Variants in DGKG observed in about 807,000 individuals in gnomAD.
DGKG encodes diacylglycerol kinase gamma, also known as DAG kinase gamma.
In DGKG, 78 loss-of-function variants were observed where a neutral mutation model predicts 105.3. That is an observed-to-expected ratio of 0.74 (90% CI 0.62 to 0.89). DGKG has a LOEUF of 0.89. Among genes scored for constraint, DGKG ranks in the 40% least tolerant of loss-of-function variants. DGKG has a pLI of 0.00. For missense variants in DGKG, 958 were observed against 1,020.1 expected (o/e 0.94, Z 0.83); for synonymous variants, 346 against 367.1 (o/e 0.94, Z 0.66).
At chr3:186,257,553 C>T (rs969910663) in intron 17 of DGKG, among the ~76,000 whole-genome samples, 4 of 152,166 alleles carry the variant, frequency 2.6e-5, no homozygotes, top group African/African-American at 9.7e-5. Flanking sequence ...CTCCTGTCCT[C>T]CCACCCCCCA....
chr3:186,338,141 G>C lies in DGKG; in HGVS notation c.-248-17434C>G, dbSNP rs369569293. ...GCCAAGAACGAGCCACTGCACTCTA[G>C]CCCAGGCAACAGAGTGAGACCCTAT... On this transcript the variant is annotated intron_variant, in intron 1 of 24. Coordinates refer to ENST00000265022, the MANE Select transcript of DGKG (RefSeq NM_001346.3). Among the ~76,000 whole-genome samples the C allele has an allele frequency of 2.9e-4, 41 of 142,244 alleles. 1 individual carries two copies. Among genetic ancestry groups the C allele is most frequent in the Admixed American group, 2.8e-3 (37 of 13,326 alleles). The allele number at this position is 142,244 out of a possible 152,430, so 93.3% of individuals were successfully genotyped here. A position where few individuals can be genotyped will look rare whatever the true frequency, so the allele number is the denominator to read the frequency against.
At chr3:186,346,982 TA>T (rs1319994138) in intron 1 of DGKG, among the ~76,000 whole-genome samples, 1 of 152,184 alleles carries the variant, frequency 6.6e-6, no homozygotes, top group Non-Finnish European at 1.5e-5. Flanking sequence ...ATTTTTGTAT[TA>T]AATTTTACTT....
chr3:186,268,770 A>T (rs767837515), intron 12 of DGKG, 31 bp downstream of exon 12: 3 of 1,518,006 alleles, frequency 2.0e-6, no homozygotes, highest in Non-Finnish European at 2.7e-6. Context: ...AACGTTGAAA[A>T]GAAGCAGGGC....
At chr3:186,182,033 C>T (rs371908929) in intron 22 of DGKG, among the ~76,000 whole-genome samples, 7 of 152,240 alleles carry the variant, frequency 4.6e-5, no homozygotes, top group East Asian at 3.8e-4. Context: ...CCAGGGGGAC[C>T]GACCCAGCCT....
intron 1 of DGKG, among the ~76,000 whole-genome samples, chr3:186,354,705 A>G (rs747561048): frequency 2.0e-5 from 3 of 152,206 alleles, no homozygotes; most frequent in Non-Finnish European, 4.4e-5. Context: ...TGAAGCATCA[A>G]TGACTTAAGA....
intron 19 of DGKG, among the ~76,000 whole-genome samples, chr3:186,249,315 G>T (rs1179394744): frequency 6.6e-6 from 1 of 152,132 alleles, no homozygotes; most frequent in Non-Finnish European, 1.5e-5. Context: ...GCCCAGCAAT[G>T]CTTCCCTCTT....
At chr3:186,300,527 T>A (rs184919024) in intron 3 of DGKG, among the ~76,000 whole-genome samples, 2 of 152,344 alleles carry the variant, frequency 1.3e-5, no homozygotes, top group East Asian at 3.9e-4. Context: ...GTTCTCTTCA[T>A]TCTCTACTTT....
chr3:186,149,429 T>G lies in DGKG; in HGVS notation c.*661A>C. 1 of 985,378 alleles carries G rather than the reference T, an allele frequency of 1.0e-6. No individual in the cohort carries two copies. The highest frequency in any genetic ancestry group is 4.7e-5 in the South Asian group (1 of 21,288). 61.0% of individuals were successfully genotyped at this position (985,378 alleles called of 1,614,324 possible). Reference sequence around the variant, plus strand: ...AAACATGTAGACACCAGGAGAAGGTTCCTGGAAAATAACAAGTGCCCACCG... The same window carrying G: ...AAACATGTAGACACCAGGAGAAGGTGCCTGGAAAATAACAAGTGCCCACCG... On this transcript the variant is annotated 3_prime_UTR_variant, in exon 25 of 25. Transcript: ENST00000265022.
At chr3:186,287,451 G>A (rs1314349979) in intron 6 of DGKG, among the ~76,000 whole-genome samples, 1 of 152,166 alleles carries the variant, frequency 6.6e-6, no homozygotes, top group Non-Finnish European at 1.5e-5. Flanking sequence ...GGCCACAGAT[G>A]TTCACTGTAC....
rs13084890 is a variant in DGKG at position 186,292,044 on chromosome 3, T to A, written c.374-3164A>T. 7.6e-3 allele frequency among the ~76,000 whole-genome samples: 1,153 copies of A among 152,280 alleles called. 10 individuals are homozygous for A. The highest frequency in any genetic ancestry group is 0.01 in the Non-Finnish European group (713 of 68,034). ...TCCTTCCTCTTCATTCTGCTTTATA[T>A]GAAATAGCCCTGACCTATGGCCATC... On this transcript the variant is annotated intron_variant, in intron 5 of 24. Coordinates refer to ENST00000265022, the MANE Select transcript of DGKG (RefSeq NM_001346.3).
rs1340709552 is a variant in DGKG, at chr3:186,231,140, C to G, written c.1826+11364G>C. 6.6e-6 allele frequency among the ~76,000 whole-genome samples: 1 copy of G among 152,202 alleles called. No homozygotes were observed. Among genetic ancestry groups the G allele is most frequent in the Non-Finnish European group, 1.5e-5 (1 of 68,036 alleles). On this transcript the variant is annotated intron_variant, in intron 20 of 24. Coordinates refer to ENST00000265022, the MANE Select transcript of DGKG (RefSeq NM_001346.3). The surrounding 1 kb of genome is among the most constrained non-coding windows in gnomAD (Gnocchi z 4.5). ...ACTATTTCCTGTTGTGAATCCTTCACACACTTGAGGCCCATTCCCAGTACG... is the reference window on the plus strand; with the variant it reads ...ACTATTTCCTGTTGTGAATCCTTCAGACACTTGAGGCCCATTCCCAGTACG...
At chr3:186,260,368 A>C in intron 16 of DGKG, 71 bp downstream of exon 16, 1 of 1,124,178 alleles carries the variant, frequency 8.9e-7, no homozygotes, top group Non-Finnish European at 1.3e-6. Context: ...AAAAGGTGAC[A>C]AAAGAGGCAT....
At chr3:186,222,123 G>C (rs1349651921) in intron 20 of DGKG, among the ~76,000 whole-genome samples, 2 of 152,196 alleles carry the variant, frequency 1.3e-5, no homozygotes, top group African/African-American at 4.8e-5. Context: ...AGAGTCTGAG[G>C]GGATGCAGGC....
chr3:186,175,068 G>T (rs1717010393), intron 22 of DGKG, among the ~76,000 whole-genome samples: 1 of 152,202 alleles, frequency 6.6e-6, no homozygotes, highest in African/African-American at 2.4e-5. Flanking sequence ...GAATTGTGGT[G>T]TCTGTTCTGG....
intron 19 of DGKG, among the ~76,000 whole-genome samples, chr3:186,251,031 A>G (rs1279503483): frequency 6.6e-6 from 1 of 152,066 alleles, no homozygotes; most frequent in Non-Finnish European, 1.5e-5. Flanking sequence ...GAGCTACACT[A>G]GATGTGCTGG....
intron 1 of DGKG, among the ~76,000 whole-genome samples, chr3:186,342,272 T>C (rs925638981): frequency 6.6e-6 from 1 of 152,176 alleles, no homozygotes; most frequent in Non-Finnish European, 1.5e-5. Flanking sequence ...CCTAGAGATA[T>C]CATGAGTGAG....
chr3:186,247,793 A>T (rs910183087), intron 19 of DGKG, among the ~76,000 whole-genome samples: 1 of 152,196 alleles, frequency 6.6e-6, no homozygotes, highest in African/African-American at 2.4e-5. Context: ...AGGTGTATGA[A>T]AAAAATTACA....
chr3:186,312,681 A>T (rs961367709), intron 2 of DGKG, among the ~76,000 whole-genome samples: 3 of 152,220 alleles, frequency 2.0e-5, no homozygotes, highest in African/African-American at 7.2e-5. Context: ...GAAGGCTGGG[A>T]TGTAAGAATA....
At chr3:186,353,627 T>A (rs1012074154) in intron 1 of DGKG, among the ~76,000 whole-genome samples, 1 of 131,942 alleles carries the variant, frequency 7.6e-6, no homozygotes, top group Non-Finnish European at 1.5e-5. Context: ...AGACTCTCTA[T>A]CTATATCTAT....
Sources: gnomAD v4.1 joint callset for allele counts (sites outside exome capture counted in the v4.1 genomes callset) on GRCh38, gnomAD v4.1.1 for gene constraint, Gnocchi (gnomAD v3.1) non-coding constraint, MANE v1.5 for transcripts, NCBI Gene and HGNC (gene_info 2026-07-23, HGNC 2026-07-21) for gene names.